FUT9: variants seen among roughly 807,000 people sequenced by gnomAD.
The protein encoded by FUT9 is 4-galactosyl-N-acetylglucosaminide 3-alpha-L-fucosyltransferase 9.
Under a neutral mutation model 29.7 loss-of-function variants are expected in FUT9, and 15 were observed. The observed-to-expected ratio is 0.51, with a 90% confidence interval of 0.34 to 0.78. The LOEUF (loss-of-function observed/expected upper bound fraction) is 0.78, where lower values mean the gene tolerates loss of function less well. Among genes scored for constraint, FUT9 ranks in the 30% least tolerant of loss-of-function variants. FUT9 has a pLI of 0.01. For missense variants in FUT9, 319 were observed against 425.4 expected (o/e 0.75, Z 2.20); for synonymous variants, 169 against 153.7 (o/e 1.10, Z -0.74).
intron 2 of FUT9, among the ~76,000 whole-genome samples, chr6:96,168,260 T>C (rs1479038701): frequency 6.6e-6 from 1 of 152,178 alleles, no homozygotes; most frequent in African/African-American, 2.4e-5. Context: ...TATATGAGTC[T>C]AGAGTTCAGG....
chr6:96,179,475 C>G (rs1458822074), intron 2 of FUT9, among the ~76,000 whole-genome samples: 1 of 152,054 alleles, frequency 6.6e-6, no homozygotes, highest in Non-Finnish European at 1.5e-5. Context: ...ATCTTTCTTA[C>G]TAAGACAAAA....
At position 96,215,305 on chromosome 6, in the gene FUT9, G is replaced by A. The variant is rs966452185; in HGVS notation, c.*11070G>A. 2 of 166,948 alleles carry A rather than the reference G, an allele frequency of 1.2e-5. No homozygotes were observed. Among genetic ancestry groups the A allele is most frequent in the Non-Finnish European group, 2.9e-5 (2 of 68,092 alleles). 10.3% of individuals were successfully genotyped at this position (166,948 alleles called of 1,614,324 possible). ...GTCACAACATGGATTCCTTCTCATG[G>A]ATGTCTTTCTAGGCTTATAAATATA... On this transcript the variant is annotated 3_prime_UTR_variant, in exon 3 of 3. Coordinates refer to ENST00000302103, the MANE Select transcript of FUT9 (RefSeq NM_006581.4).
intron 2 of FUT9, among the ~76,000 whole-genome samples, chr6:96,141,721 G>T (rs1772467443): frequency 6.6e-6 from 1 of 152,198 alleles, no homozygotes; most frequent in African/African-American, 2.4e-5. Flanking sequence ...TATGTTGCAA[G>T]CTGAGAATCC....
intron 2 of FUT9, among the ~76,000 whole-genome samples, chr6:96,200,103 C>T (rs1291533907): frequency 6.6e-6 from 1 of 151,926 alleles, no homozygotes; most frequent in African/African-American, 2.4e-5. Context: ...TCATTTTGGG[C>T]CTCAGTTTCT....
At chr6:96,133,482 T>C (rs1372348512) in intron 2 of FUT9, among the ~76,000 whole-genome samples, 1 of 151,948 alleles carries the variant, frequency 6.6e-6, no homozygotes, top group African/African-American at 2.4e-5. Flanking sequence ...CTAATAAATA[T>C]TGGGTTCAGA....
rs970161574 is a variant in FUT9 at position 96,212,483 on chromosome 6, TAATC to T, written c.*8251_*8254del. The T allele has an allele frequency of 2.4e-6, 1 of 409,484 alleles. No individual in the cohort carries two copies. The highest frequency in any genetic ancestry group is 2.1e-5 in the African/African-American group (1 of 48,472). 25.4% of individuals were successfully genotyped at this position (409,484 alleles called of 1,614,324 possible). On this transcript the variant is annotated 3_prime_UTR_variant, in exon 3 of 3. Coordinates refer to ENST00000302103, the MANE Select transcript of FUT9 (RefSeq NM_006581.4). ...ATTTCATATGTGATTTTAAAATAAT[TAATC>T]AAAAAACAAAGACTATCATATTTGA... is the stretch of plus-strand genomic sequence containing the variant.
rs1299022510 is a variant in FUT9 at position 96,114,055 on chromosome 6, C to T, written c.-81C>T. 6.6e-6 allele frequency: 1 copy of T among 152,074 alleles called. No homozygotes were observed. The allele number at this position is 152,074 out of a possible 1,614,324, so 9.4% of individuals were successfully genotyped here. The stretch of plus-strand genomic sequence containing the variant: ...TCTCATCAGATTTAGAATGTAATAA[C>T]TCAAGGATTTGATAATACAGTGAAG... On this transcript the variant is annotated 5_prime_UTR_variant, in exon 2 of 3. Transcript: ENST00000302103.
intron 2 of FUT9, among the ~76,000 whole-genome samples, chr6:96,153,653 G>A (rs1772723967): frequency 1.3e-5 from 2 of 152,086 alleles, no homozygotes; most frequent in African/African-American, 2.4e-5. Context: ...TCAGTCAGGC[G>A]AGACAAAAAC....
intron 2 of FUT9, among the ~76,000 whole-genome samples, chr6:96,138,512 TGCAGGGAAA>T: frequency 6.6e-6 from 1 of 151,774 alleles, no homozygotes. Flanking sequence ...ACTTCAATTT[TGCAGGGAAA>T]GTGAAATTAA....
intron 1 of FUT9, among the ~76,000 whole-genome samples, chr6:96,108,236 T>C (rs1263430201): frequency 6.6e-6 from 1 of 152,138 alleles, no homozygotes; most frequent in Non-Finnish European, 1.5e-5. Flanking sequence ...CCATGTACAT[T>C]TATGAAAAAG....
In FUT9 at chr6:96,208,267, C is replaced by T. The variant is rs1214556368; in HGVS notation, c.*4032C>T. 1 of 51,114 alleles carries T rather than the reference C, an allele frequency of 2.0e-5. No individual in the cohort carries two copies. The highest frequency in any genetic ancestry group is 1.0e-4 in the Non-Finnish European group (1 of 9,712). 3.2% of individuals were successfully genotyped at this position (51,114 alleles called of 1,614,324 possible). On this transcript the variant is annotated 3_prime_UTR_variant, in exon 3 of 3. Coordinates refer to ENST00000302103, the MANE Select transcript of FUT9 (RefSeq NM_006581.4). The stretch of plus-strand genomic sequence containing the variant: ...ATTCCATGAGTCTTAAGGTAATATC[C>T]TAGAATTTTTTTTTTGCGTGAATTA...
chr6:96,124,271 T>A (rs1204097238), intron 2 of FUT9, among the ~76,000 whole-genome samples: 1 of 151,040 alleles, frequency 6.6e-6, no homozygotes, highest in Non-Finnish European at 1.5e-5. Context: ...CCTGCCTCAG[T>A]CTCCTGAGTA....
At chr6:96,035,470 T>A in intron 1 of FUT9, among the ~76,000 whole-genome samples, 1 of 151,082 alleles carries the variant, frequency 6.6e-6, no homozygotes. Flanking sequence ...TCTTATTCAA[T>A]TTCCTTTTAT....
Position 96,207,436 on chromosome 6 carries a change from T to C in FUT9, c.*3201T>C, listed in dbSNP as rs768958620. On this transcript the variant is annotated 3_prime_UTR_variant, in exon 3 of 3. Coordinates refer to ENST00000302103, the MANE Select transcript of FUT9 (RefSeq NM_006581.4). ...ACCTCATGTAGAAGAACTTCGACTTTTGAAGGTATACAATAAATAAAACAT... is the reference window on the plus strand; with the variant it reads ...ACCTCATGTAGAAGAACTTCGACTTCTGAAGGTATACAATAAATAAAACAT... 4.8e-5 allele frequency: 8 copies of C among 167,052 alleles called. No homozygotes were observed. The highest frequency in any genetic ancestry group is 3.3e-4 in the Admixed American group (5 of 15,276). 10.3% of individuals were successfully genotyped at this position (167,052 alleles called of 1,614,324 possible).
At chr6:96,176,196 G>A (rs1045243084) in intron 2 of FUT9, among the ~76,000 whole-genome samples, 1 of 152,050 alleles carries the variant, frequency 6.6e-6, no homozygotes, top group African/African-American at 2.4e-5. Context: ...CACACTATTG[G>A]TTTCCCTGGT....
intron 1 of FUT9, among the ~76,000 whole-genome samples, chr6:96,049,204 A>T (rs922921817): frequency 6.6e-6 from 1 of 152,138 alleles, no homozygotes; most frequent in African/African-American, 2.4e-5. Flanking sequence ...TCATCAAATC[A>T]TCTCTTCCTT....
At chr6:96,184,420 T>C (rs1329174039) in intron 2 of FUT9, among the ~76,000 whole-genome samples, 4 of 151,904 alleles carry the variant, frequency 2.6e-5, no homozygotes. Flanking sequence ...TATCTTTTGT[T>C]TTTTTGTTTG....
intron 1 of FUT9, among the ~76,000 whole-genome samples, chr6:96,042,872 T>C (rs753083592): frequency 6.6e-6 from 1 of 152,218 alleles, no homozygotes; most frequent in Non-Finnish European, 1.5e-5. Flanking sequence ...ACTTAATTTA[T>C]TAAGCTTCCT....
At chr6:96,097,223 G>A (rs1771515792) in intron 1 of FUT9, among the ~76,000 whole-genome samples, 1 of 152,228 alleles carries the variant, frequency 6.6e-6, no homozygotes, top group African/African-American at 2.4e-5. Flanking sequence ...CCTGAGAAAA[G>A]GAGCAGTTTT....
Sources: gnomAD v4.1 joint callset for allele counts (sites outside exome capture counted in the v4.1 genomes callset) on GRCh38, gnomAD v4.1.1 for gene constraint, MANE v1.5 for transcripts, NCBI Gene and HGNC (gene_info 2026-07-23, HGNC 2026-07-21) for gene names.